The following STXBP2 variants were observed in gnomAD, a reference collection of about 807,000 sequenced individuals.
The protein encoded by STXBP2 is syntaxin binding protein 2.
A neutral mutation model predicts 72.2 loss-of-function variants in STXBP2; 47 were observed. The observed-to-expected ratio is 0.65, with a 90% CI of 0.51 to 0.83. The LOEUF (loss-of-function observed/expected upper bound fraction) is 0.83. Ranked by LOEUF, STXBP2 falls within the 40% of genes least tolerant of loss-of-function variation. The pLI is 0.00. For synonymous variants in STXBP2, 367 were observed against 338.7 expected, an observed-to-expected ratio of 1.08 and a Z score of -0.92; for missense variants, 702 against 807.6, an observed-to-expected ratio of 0.87 and a Z score of 1.58.
chr19:7,646,009 C>T (rs542198255), intron 15 of STXBP2: 2 of 585,504 alleles, frequency 3.4e-6, no homozygotes, highest in African/African-American at 1.9e-5. Flanking sequence ...CTATCTCTGC[C>T]TCTGTCTTTG....
intron 12 of STXBP2, 34 bp downstream of exon 12, chr19:7,643,082 C>T (rs776864516): frequency 2.3e-5 from 37 of 1,613,858 alleles, no homozygotes; most frequent in Non-Finnish European, 3.1e-5. Context: ...GGGGACACCT[C>T]GGCCCCTCAA....
rs2032135016 is a variant in STXBP2, at chr19:7,646,298, C to T, written c.1406C>T (p.Thr469Ile). 2.5e-6 allele frequency: 4 copies of T among 1,611,806 alleles called. No individual in the cohort carries two copies. Among genetic ancestry groups the T allele is most frequent in the Non-Finnish European group, 3.4e-6 (4 of 1,179,302 alleles). The change falls in exon 16 of 19, where the codon ACC (threonine) becomes ATC (isoleucine). Residue 469 changes from threonine to isoleucine, a missense_variant. By Grantham distance (89) the Thr-to-Ile change is moderately conservative. Transcript: ENST00000221283. ...RLEPRERMEP[T>I]YQLSRWTPVI... ...GAGCCGAGAGAACGCATGGAGCCCA[C>T]CTATCAGCTGTCCCGCTGGACCCCG...
chr19:7,631,725 C>G, the STXBP2 span: 26 of 1,445,138 alleles, frequency 1.8e-5, no homozygotes, highest in South Asian at 3.1e-5. Context: ...GGCTGCTGTT[C>G]CGACGGAAGC....
chr19:7,638,940 C>T, intron 2 of STXBP2, 79 bp from the exon 3 acceptor site: 3 of 1,588,240 alleles, frequency 1.9e-6, no homozygotes, highest in South Asian at 1.1e-5. Flanking sequence ...CTGCCCCTCC[C>T]ACTGCCTTGG....
At chr19:7,631,214 G>T in the STXBP2 span, 9 of 1,382,952 alleles carry the variant, frequency 6.5e-6, no homozygotes, top group Non-Finnish European at 8.4e-6. Context: ...GTCTCAAAAA[G>T]AAACATTTTA....
At chr19:7,639,388 G>T in intron 3 of STXBP2, 1 of 586,388 alleles carries the variant, frequency 1.7e-6, no homozygotes, top group Non-Finnish European at 3.0e-6. Context: ...GGGACTCCCA[G>T]GGTGGACTCT....
upstream of STXBP2, chr19:7,633,028 C>A: frequency 7.0e-7 from 1 of 1,428,258 alleles, no homozygotes; most frequent in East Asian, 2.5e-5. Flanking sequence ...CGGCCCCCGC[C>A]CCAGGGGCCC....
In STXBP2 at chr19:7,640,254, A is replaced by T. The variant is rs1021278418; in HGVS notation, c.246+447A>T. ...TGCGTCTGTGTGTATCTGTGTGTGC[A>T]TGTGTGTATGCGTGTATATGTATGT... On this transcript the variant is annotated intron_variant, in intron 4 of 18. Coordinates refer to ENST00000221283, the MANE Select transcript of STXBP2 (RefSeq NM_006949.4). The T allele has an allele frequency of 1.0e-5, 5 of 494,516 alleles. No individual in the cohort carries two copies. In the African/African-American group the frequency reaches 1.2e-4, roughly 12 times the overall value. The allele number at this position is 494,516 out of a possible 1,614,324, so 30.6% of individuals were successfully genotyped here.
chr19:7,646,696 C>T (rs2032151759), intron 16 of STXBP2: 1 of 411,076 alleles, frequency 2.4e-6, no homozygotes, highest in Admixed American at 3.9e-5. Flanking sequence ...GGGGCGGCTT[C>T]CTGGCTTCCT....
chr19:7,637,726 G>A lies in STXBP2; in HGVS notation c.37+540G>A, dbSNP rs181780754. 5.4e-3 allele frequency among the ~76,000 whole-genome samples: 829 copies of A among 152,268 alleles called. 8 individuals are homozygous for A. Among genetic ancestry groups the A allele is most frequent in the African/African-American group, 0.019 (789 of 41,548 alleles). On this transcript the variant is annotated intron_variant, in intron 1 of 18. Coordinates refer to ENST00000221283, the MANE Select transcript of STXBP2 (RefSeq NM_006949.4). Reference sequence around the variant, plus strand: ...GCCTCACCGGCCCCGGTTCTTGGGGGAAGGGTGGAGGGCGCCTCTTCCTCC... The same window carrying A: ...GCCTCACCGGCCCCGGTTCTTGGGGAAAGGGTGGAGGGCGCCTCTTCCTCC...
At chr19:7,635,105 G>T (rs1476754904), upstream of STXBP2, among the ~76,000 whole-genome samples, 1 of 152,156 alleles carries the variant, frequency 6.6e-6, no homozygotes, top group African/African-American at 2.4e-5. Context: ...CATATCTTTT[G>T]GGGGTTAGTG....
chr19:7,635,544 AAATC>A (rs200670146), upstream of STXBP2, among the ~76,000 whole-genome samples: 1,427 of 152,056 alleles, frequency 9.4e-3, 23 homozygotes, highest in African/African-American at 0.031. Flanking sequence ...AACAACAACA[AAATC>A]AACCGGGCAC....
At chr19:7,646,601 TC>T in intron 16 of STXBP2, 1 of 561,064 alleles carries the variant, frequency 1.8e-6, no homozygotes, top group Non-Finnish European at 3.3e-6. Context: ...TCTAGTCTGT[TC>T]CCCTGTCCCG....
upstream of STXBP2, among the ~76,000 whole-genome samples, chr19:7,634,532 T>G (rs2031456836): frequency 6.6e-6 from 1 of 152,202 alleles, no homozygotes; most frequent in Non-Finnish European, 1.5e-5. Context: ...ATAAGTTGAC[T>G]TTTGTTATAT....
At position 7,643,047 on chromosome 19, in the gene STXBP2, A is replaced by C; in HGVS notation, c.1025A>C (p.Lys342Thr). 1 of 1,614,188 alleles carries C rather than the reference A, an allele frequency of 6.2e-7. No individual in the cohort carries two copies. Among genetic ancestry groups the C allele is most frequent in the Non-Finnish European group, 8.5e-7 (1 of 1,180,034 alleles). Reference protein sequence around the residue: ...KMPQYQKELNKYSTHLHLADD... With the variant: ...KMPQYQKELNTYSTHLHLADD... ...CCGCAGTACCAGAAGGAGCTGAATA[A>C]GGTGTGCTCGGGTGGGCAGGGAGCG... The change falls in exon 12 of 19, where the codon AAG (lysine) becomes ACG (threonine). Residue 342 changes from lysine (K) to threonine (T), a missense_variant and splice_region_variant. Coordinates refer to ENST00000221283, the MANE Select transcript of STXBP2 (RefSeq NM_006949.4).
intron 13 of STXBP2, among the ~76,000 whole-genome samples, chr19:7,644,026 G>A (rs76050626): frequency 0.17 from 14,864 of 88,452 alleles, 31 homozygotes; most frequent in East Asian, 0.31. Flanking sequence ...CGGAGAGGTG[G>A]GACCTGGGTG....
At chr19:7,639,129 G>T (rs746996568) in intron 3 of STXBP2, 29 bp downstream of exon 3, 1 of 1,611,564 alleles carries the variant, frequency 6.2e-7, no homozygotes, top group Non-Finnish European at 8.5e-7. Flanking sequence ...AGTGAGATGG[G>T]ACCTGAGCGT....
Position 7,642,818 on chromosome 19 carries a change from G to A in STXBP2, c.955G>A (p.Asp319Asn). Residue 319 changes from aspartate (D) to asparagine (N), a missense_variant, in exon 11 of 19, where the codon GAC (aspartate) becomes AAC (asparagine). By Grantham distance (23) the Asp-to-Asn change is conservative. Coordinates refer to ENST00000221283, the MANE Select transcript of STXBP2 (RefSeq NM_006949.4). This position sits in a 1 kb window ranked among gnomAD's most constrained non-coding sequence, Gnocchi z 6.0. ...CTGTGAGAGCAAGAGGCTGACCACG[G>A]ACAAGGTAGGGGCGGACCCAGGTCA... ...TFCESKRLTT[D>N]KANIKDLSQI... 1 of 1,614,148 alleles carries A rather than the reference G, an allele frequency of 6.2e-7. No individual in the cohort carries two copies. The highest frequency in any genetic ancestry group is 1.1e-5 in the South Asian group (1 of 91,088).
At position 7,640,745 on chromosome 19, in the gene STXBP2, G is replaced by A. The variant is rs1476646551; in HGVS notation, c.261G>A (p.Leu87=). The change falls in exon 5 of 19, where the codon CTG becomes CTA. Residue 87 remains leucine (L), a synonymous_variant. Transcript: ENST00000221283. The part of the protein sequence containing the change: ...LSPTEKSVQA[L]IKDFQGTPTF... Reference sequence around the variant, plus strand: ...ACCTTCCCCAGTCGGTTCAGGCCCTGATCAAAGACTTCCAGGGGACCCCGA... The same window carrying A: ...ACCTTCCCCAGTCGGTTCAGGCCCTAATCAAAGACTTCCAGGGGACCCCGA... 4.3e-6 allele frequency: 7 copies of A among 1,614,182 alleles called. No individual in the cohort carries two copies. The South Asian group carries it at 4.4e-5, about 10-fold the overall frequency.
Sources: allele counts gnomAD v4.1 joint callset (sites outside exome capture counted in the v4.1 genomes callset), GRCh38; gene constraint gnomAD v4.1.1; non-coding constraint Gnocchi (gnomAD v3.1); transcripts MANE v1.5; gene names NCBI Gene and HGNC (gene_info 2026-07-23, HGNC 2026-07-21).